The following MALRD1 variants were observed in gnomAD, a reference collection of about 807,000 sequenced individuals.
MALRD1 encodes the protein MAM and LDL receptor class A domain containing 1.
In MALRD1, 247 loss-of-function variants were observed where a neutral mutation model predicts 242.1. The observed-to-expected ratio is 1.02, with a 90% CI of 0.92 to 1.13. The LOEUF is 1.13. Among genes scored for constraint, MALRD1 ranks in the 50% most tolerant of loss-of-function variants. The pLI is 0.00. For synonymous variants in MALRD1, 995 were observed against 866.6 expected (o/e 1.15, Z -2.60); for missense variants, 2,989 against 2,533.1 (o/e 1.18, Z -3.86).
intron 36 of MALRD1, among the ~76,000 whole-genome samples, chr10:19,663,096 G>A (rs1025188877): frequency 5.9e-5 from 9 of 152,142 alleles, no homozygotes; most frequent in African/African-American, 2.2e-4. Context: ...TAATGGCAAA[G>A]TCTAGGCTTT....
intron 11 of MALRD1, 31 bp downstream of exon 11, chr10:19,146,375 G>T (rs1033899141): frequency 2.8e-5 from 34 of 1,218,018 alleles, no homozygotes; most frequent in Non-Finnish European, 3.4e-5. Flanking sequence ...AAAAAAAATA[G>T]TTTTCTTTCT....
intron 32 of MALRD1, among the ~76,000 whole-genome samples, chr10:19,558,957 G>A (rs571203229): frequency 6.6e-6 from 1 of 152,116 alleles, no homozygotes; most frequent in Non-Finnish European, 1.5e-5. Flanking sequence ...GCTGAGGTGG[G>A]CAGATCACTT....
chr10:19,224,786 G>A (rs1257456161), intron 18 of MALRD1, among the ~76,000 whole-genome samples: 1 of 152,126 alleles, frequency 6.6e-6, no homozygotes, highest in Admixed American at 6.6e-5. Context: ...TCTGTAGGTT[G>A]TGTGTTCACT....
intron 21 of MALRD1, among the ~76,000 whole-genome samples, chr10:19,295,384 T>C (rs1209622895): frequency 6.6e-6 from 1 of 152,010 alleles, no homozygotes; most frequent in Non-Finnish European, 1.5e-5. Flanking sequence ...TAAAATAGTA[T>C]CCAATTGTAT....
At chr10:19,350,323 T>A (rs1324498691) in intron 25 of MALRD1, among the ~76,000 whole-genome samples, 2 of 143,058 alleles carry the variant, frequency 1.4e-5, no homozygotes, top group Admixed American at 7.5e-5. Context: ...CGGGCTGGAG[T>A]GCAGTAGTGT....
chr10:19,461,149 A>T (rs891605135), intron 29 of MALRD1, among the ~76,000 whole-genome samples: 4 of 152,166 alleles, frequency 2.6e-5, no homozygotes, highest in Non-Finnish European at 2.9e-5. Flanking sequence ...GGGCGACAAG[A>T]TCATACTAGA....
At chr10:19,300,734 G>A (rs535340086) in intron 21 of MALRD1, among the ~76,000 whole-genome samples, 32 of 152,028 alleles carry the variant, frequency 2.1e-4, no homozygotes, top group Non-Finnish European at 4.1e-4. Flanking sequence ...ACACTTAAAT[G>A]TAAAACCTAA....
intron 32 of MALRD1, among the ~76,000 whole-genome samples, chr10:19,535,282 C>T (rs564465111): frequency 3.2e-4 from 48 of 151,906 alleles, no homozygotes; most frequent in East Asian, 1.5e-3. Flanking sequence ...TTCGGTCATA[C>T]GGAAACACTG....
chr10:19,482,654 C>CACAG (rs1431884460), intron 29 of MALRD1, among the ~76,000 whole-genome samples: 1 of 116,556 alleles, frequency 8.6e-6, no homozygotes, highest in Non-Finnish European at 1.9e-5. Context: ...ACAATAGCTA[C>CACAG]ACACACACAC....
At chr10:19,381,221 C>T (rs931380462) in intron 26 of MALRD1, among the ~76,000 whole-genome samples, 4 of 150,834 alleles carry the variant, frequency 2.7e-5, no homozygotes, top group Non-Finnish European at 5.9e-5. Context: ...CATCCATGTC[C>T]CTACAAAGGA....
chr10:19,117,828 A>G (rs1836924847), intron 5 of MALRD1, among the ~76,000 whole-genome samples: 1 of 152,226 alleles, frequency 6.6e-6, no homozygotes, highest in Non-Finnish European at 1.5e-5. Flanking sequence ...TTGAGTCTAC[A>G]ATGTTTTAAA....
chr10:19,096,882 G>A (rs1276221186), intron 4 of MALRD1, among the ~76,000 whole-genome samples: 2 of 152,306 alleles, frequency 1.3e-5, no homozygotes, highest in East Asian at 3.9e-4. Flanking sequence ...CTCTGCAGCT[G>A]ACTCTCACCT....
intron 14 of MALRD1, among the ~76,000 whole-genome samples, chr10:19,189,468 C>T (rs1365731510): frequency 6.6e-6 from 1 of 151,650 alleles, no homozygotes; most frequent in African/African-American, 2.4e-5. Flanking sequence ...TCAATGAGGC[C>T]AGCATTACCC....
chr10:19,458,087 T>C lies in MALRD1; in HGVS notation c.5029+7597T>C, dbSNP rs111677841. ...TTTATACACTGCAATGCACCTTTTG[T>C]ACCTAGAGCTAAAATTTTCTGCCAA... On this transcript the variant is annotated intron_variant, in intron 29 of 39. Coordinates refer to ENST00000454679, the MANE Select transcript of MALRD1 (RefSeq NM_001142308.3). 1.6e-4 allele frequency among the ~76,000 whole-genome samples: 24 copies of C among 152,270 alleles called. No individual in the cohort carries two copies. The East Asian group carries it at 3.3e-3, about 21-fold the overall frequency.
intron 33 of MALRD1, among the ~76,000 whole-genome samples, chr10:19,591,573 A>G (rs2131547850): frequency 7.0e-6 from 1 of 143,876 alleles, no homozygotes; most frequent in East Asian, 2.0e-4. Flanking sequence ...ATCTTGGCTC[A>G]CTGCAACCTT....
chr10:19,264,479 A>T, intron 19 of MALRD1, among the ~76,000 whole-genome samples: 1 of 131,790 alleles, frequency 7.6e-6, no homozygotes, highest in African/African-American at 2.9e-5. Context: ...TTTGAGACGG[A>T]GTCTTGCTCT....
chr10:19,189,039 A>T (rs1835860793), intron 14 of MALRD1, among the ~76,000 whole-genome samples: 1 of 152,144 alleles, frequency 6.6e-6, no homozygotes, highest in African/African-American at 2.4e-5. Context: ...CTAGGGAGAG[A>T]GAGAAAGGGA....
chr10:19,510,912 A>G (rs981859866), intron 31 of MALRD1, among the ~76,000 whole-genome samples: 1 of 152,212 alleles, frequency 6.6e-6, no homozygotes, highest in African/African-American at 2.4e-5. Flanking sequence ...AGATGTATTT[A>G]TCCGTGTGCA....
intron 36 of MALRD1, among the ~76,000 whole-genome samples, chr10:19,686,397 C>G (rs1842582873): frequency 6.6e-6 from 1 of 152,176 alleles, no homozygotes; most frequent in South Asian, 2.1e-4. Context: ...TGTGCGCATG[C>G]TCACTCGAGG....
Sources: allele counts gnomAD v4.1 joint callset (sites outside exome capture counted in the v4.1 genomes callset), GRCh38; gene constraint gnomAD v4.1.1; transcripts MANE v1.5; gene names NCBI Gene and HGNC (gene_info 2026-07-23, HGNC 2026-07-21).